The following PALM2AKAP2 variants were observed in gnomAD, a reference collection of about 807,000 sequenced individuals.
PALM2AKAP2 encodes PALM2 and AKAP2 fusion.
PALM2AKAP2 carries 37 observed loss-of-function variants against 71.5 expected under a neutral mutation model. That is an observed-to-expected ratio of 0.52 (90% CI 0.40 to 0.68). PALM2AKAP2 has a LOEUF of 0.68. Among genes scored for constraint, PALM2AKAP2 ranks in the 30% least tolerant of loss-of-function variants. PALM2AKAP2 has a pLI of 0.00. For synonymous variants in PALM2AKAP2, 468 were observed against 478.8 expected (o/e 0.98, Z 0.29); for missense variants, 1,224 against 1,191.8 (o/e 1.03, Z -0.40).
intron 1 of PALM2AKAP2, among the ~76,000 whole-genome samples, chr9:109,805,996 G>A (rs1400007958): frequency 1.3e-5 from 2 of 152,108 alleles, no homozygotes; most frequent in African/African-American, 4.8e-5. Flanking sequence ...TCTATCTTGG[G>A]TTTGAGACCA....
chr9:109,899,538 A>G (rs1164336646), intron 3 of PALM2AKAP2, among the ~76,000 whole-genome samples: 3 of 151,506 alleles, frequency 2.0e-5, no homozygotes, highest in South Asian at 2.1e-4. Flanking sequence ...TGATGATGCT[A>G]CTCTCCAGCT....
chr9:109,742,874 G>GA (rs1238381240), intron 1 of PALM2AKAP2, among the ~76,000 whole-genome samples: 1 of 152,036 alleles, frequency 6.6e-6, no homozygotes, highest in Non-Finnish European at 1.5e-5. Context: ...TCAGAAACAA[G>GA]AAAAAAATCT....
chr9:109,925,685 G>A (rs1313830113), intron 5 of PALM2AKAP2, among the ~76,000 whole-genome samples: 2 of 152,062 alleles, frequency 1.3e-5, no homozygotes, highest in Admixed American at 6.5e-5. Context: ...GCAAGAGCAG[G>A]TCTTTCACCT....
chr9:109,972,857 A>T (rs1228441863), intron 6 of PALM2AKAP2, among the ~76,000 whole-genome samples: 1 of 152,178 alleles, frequency 6.6e-6, no homozygotes, highest in African/African-American at 2.4e-5. Context: ...TGTATAACGG[A>T]CTTAGCACCC....
exon 4 of PALM2AKAP2, chr9:110,172,168 A>G (rs899621755): frequency 2.0e-5 from 3 of 152,668 alleles, no homozygotes; most frequent in Middle Eastern, 3.4e-3. Context: ...TAATTAAACT[A>G]TGTATTGAAA....
At chr9:109,928,926 C>T (rs1294073465) in intron 5 of PALM2AKAP2, among the ~76,000 whole-genome samples, 1 of 152,152 alleles carries the variant, frequency 6.6e-6, no homozygotes, top group Non-Finnish European at 1.5e-5. Context: ...CTCAGCCTCC[C>T]AAAGTGTTGG....
chr9:109,654,794 C>G (rs563665972), intron 1 of PALM2AKAP2, among the ~76,000 whole-genome samples: 4 of 131,280 alleles, frequency 3.0e-5, no homozygotes, highest in South Asian at 5.7e-4. Flanking sequence ...TATTAAACTT[C>G]ATGCTTTTTA....
In PALM2AKAP2 at chr9:109,954,239, G is replaced by T. The variant is rs897163985; in HGVS notation, c.496+22211G>T. Among the ~76,000 whole-genome samples, 93 of 152,206 alleles carry T rather than the reference G, an allele frequency of 6.1e-4. 1 individual carries two copies. Among genetic ancestry groups the T allele is most frequent in the Non-Finnish European group, 8.8e-5 (6 of 68,014 alleles). ...GGTTTTGTTATTGTTGCTGATGATG[G>T]TATTGTTACTATTTCACCACTGTCA... On this transcript the variant is annotated intron_variant, in intron 6 of 9. Transcript: ENST00000302798.
At chr9:109,793,712 C>T (rs1827177619) in intron 1 of PALM2AKAP2, among the ~76,000 whole-genome samples, 1 of 152,218 alleles carries the variant, frequency 6.6e-6, no homozygotes, top group Non-Finnish European at 1.5e-5. Context: ...ATTCAGCCTG[C>T]AGCCTCTTTT....
intron 6 of PALM2AKAP2, among the ~76,000 whole-genome samples, chr9:109,958,123 AAT>A (rs919616295): frequency 4.0e-5 from 6 of 151,634 alleles, no homozygotes; most frequent in African/African-American, 1.2e-4. Context: ...TTACAAAAGA[AAT>A]ATATTTGAGG....
At chr9:110,066,503 C>T (rs1393368281) in intron 1 of PALM2AKAP2, among the ~76,000 whole-genome samples, 1 of 152,088 alleles carries the variant, frequency 6.6e-6, no homozygotes, top group Admixed American at 6.6e-5. Context: ...TCTAGACCAG[C>T]CTGGGCAGCA....
chr9:109,983,258 G>T (rs1588043977), intron 6 of PALM2AKAP2, among the ~76,000 whole-genome samples: 1 of 152,182 alleles, frequency 6.6e-6, no homozygotes, highest in East Asian at 1.9e-4. Context: ...GCGAATACCT[G>T]ATTCTGGTTA....
At position 110,003,780 on chromosome 9, in the gene PALM2AKAP2, A is replaced by G. The variant is rs148047772; in HGVS notation, c.497-12174A>G. Among the ~76,000 whole-genome samples the G allele has an allele frequency of 3.3e-3, 499 of 152,200 alleles. 3 individuals are homozygous for G. Among genetic ancestry groups the G allele is most frequent in the African/African-American group, 0.011 (460 of 41,540 alleles). On this transcript the variant is annotated intron_variant, in intron 6 of 9. Coordinates refer to the PALM2AKAP2 transcript ENST00000302798. ...GCTGAATTGATCCCTTTACCATTAT[A>G]TAATGGCCTTCTTTGTCTCTTTTGA...
At chr9:109,687,102 A>G (rs1827817387) in intron 1 of PALM2AKAP2, among the ~76,000 whole-genome samples, 1 of 152,128 alleles carries the variant, frequency 6.6e-6, no homozygotes, top group Admixed American at 6.5e-5. Context: ...GCTGGTTCCA[A>G]GTCTTTGCTA....
chr9:109,648,063 A>G (rs1827177773), intron 1 of PALM2AKAP2, among the ~76,000 whole-genome samples: 1 of 152,152 alleles, frequency 6.6e-6, no homozygotes, highest in Non-Finnish European at 1.5e-5. Flanking sequence ...TGCTGTTCTC[A>G]TGATAGTGAG....
intron 1 of PALM2AKAP2, among the ~76,000 whole-genome samples, chr9:109,742,705 C>A (rs113107359): frequency 1.3e-5 from 2 of 152,176 alleles, no homozygotes; most frequent in Non-Finnish European, 2.9e-5. Flanking sequence ...ATGCTGGCCC[C>A]TTACATGGTT....
chr9:109,846,668 T>A (rs890933233), intron 1 of PALM2AKAP2, among the ~76,000 whole-genome samples: 1 of 152,184 alleles, frequency 6.6e-6, no homozygotes, highest in Non-Finnish European at 1.5e-5. Flanking sequence ...GTCTTCCTGG[T>A]AGTGTTGTAA....
chr9:109,677,382 A>G (rs1389170102), intron 1 of PALM2AKAP2, among the ~76,000 whole-genome samples: 1 of 152,096 alleles, frequency 6.6e-6, no homozygotes, highest in Non-Finnish European at 1.5e-5. Flanking sequence ...TTTTTGCCAT[A>G]CCAGGTTGGG....
intron 1 of PALM2AKAP2, among the ~76,000 whole-genome samples, chr9:109,706,339 C>A (rs1828144101): frequency 6.6e-6 from 1 of 151,848 alleles, no homozygotes; most frequent in Non-Finnish European, 1.5e-5. Context: ...GGCAAACTGT[C>A]AAACTTAAAA....
Sources: allele counts gnomAD v4.1 joint callset (sites outside exome capture counted in the v4.1 genomes callset), GRCh38; gene constraint gnomAD v4.1.1; transcripts MANE v1.5; gene names NCBI Gene and HGNC (gene_info 2026-07-23, HGNC 2026-07-21).